KAZN: variants seen among roughly 807,000 people sequenced by gnomAD.
KAZN encodes kazrin, periplakin interacting protein, also known as kazrin.
In KAZN, 40 loss-of-function variants were observed where a neutral mutation model predicts 87.4. That is an observed-to-expected ratio of 0.46 (90% CI 0.36 to 0.60). The LOEUF is 0.60. Among genes scored for constraint, KAZN ranks in the 20% least tolerant of loss-of-function variants. KAZN has a pLI of 0.00. For synonymous variants in KAZN, 466 were observed against 458.3 expected (o/e 1.02, Z -0.22); for missense variants, 898 against 1,073.9 (o/e 0.84, Z 2.29).
intron 1 of KAZN, among the ~76,000 whole-genome samples, chr1:14,846,153 G>T (rs982091250): frequency 9.8e-5 from 15 of 152,326 alleles, no homozygotes; most frequent in African/African-American, 3.6e-4. Context: ...GGGGAGGAAA[G>T]TTCTATAGCG....
intron 2 of KAZN, among the ~76,000 whole-genome samples, chr1:14,374,397 G>T (rs1391855177): frequency 6.6e-6 from 1 of 152,214 alleles, no homozygotes; most frequent in Non-Finnish European, 1.5e-5. Flanking sequence ...CCCTGTGGGA[G>T]AAGGGGACAG....
intron 1 of KAZN, among the ~76,000 whole-genome samples, chr1:14,093,592 C>T (rs185459632): frequency 6.6e-6 from 1 of 151,790 alleles, no homozygotes; most frequent in African/African-American, 2.4e-5. Flanking sequence ...AGCCCTGAGA[C>T]AATTGGGACA....
At chr1:14,314,164 G>A (rs1279271038) in intron 2 of KAZN, among the ~76,000 whole-genome samples, 1 of 152,078 alleles carries the variant, frequency 6.6e-6, no homozygotes, top group Non-Finnish European at 1.5e-5. Flanking sequence ...TGTGGAGTTT[G>A]CATAACTCTG....
intron 1 of KAZN, among the ~76,000 whole-genome samples, chr1:14,944,227 TAA>T (rs34463773): frequency 5.3e-4 from 68 of 127,590 alleles, no homozygotes; most frequent in South Asian, 7.9e-4. Flanking sequence ...CTCCCCCTCC[TAA>T]AAAAAAAAAA....
intron 1 of KAZN, among the ~76,000 whole-genome samples, chr1:14,680,371 G>A (rs928217183): frequency 6.6e-6 from 1 of 152,134 alleles, no homozygotes; most frequent in African/African-American, 2.4e-5. Flanking sequence ...GTATAGATTA[G>A]TTTTGCCTGA....
At position 14,452,102 on chromosome 1, in the gene KAZN, G is replaced by A. The variant is rs145376169; in HGVS notation, c.250-146881G>A. Among the ~76,000 whole-genome samples the A allele has an allele frequency of 5.0e-3, 754 of 152,178 alleles. 7 individuals are homozygous for A. The highest frequency in any genetic ancestry group is 0.017 in the African/African-American group (708 of 41,504). On this transcript the variant is annotated intron_variant, in intron 2 of 16. Transcript: ENST00000636203. ...TTACAGACACGCCCCACCATGCCTG[G>A]CTAATTTTTGTATTTTTAGAAGAGA...
chr1:14,773,360 C>A lies in KAZN; in HGVS notation c.226+174137C>A, dbSNP rs147671043. Reference sequence around the variant, plus strand: ...CCTCCCACCTCACCTGCCCACGATGCCATTGCTTCAAATGGCTTTCAACAA... The same window carrying A: ...CCTCCCACCTCACCTGCCCACGATGACATTGCTTCAAATGGCTTTCAACAA... On this transcript the variant is annotated intron_variant, in intron 1 of 14. Coordinates refer to ENST00000376030, the MANE Select transcript of KAZN (RefSeq NM_201628.3). The surrounding 1 kb of genome is among the most constrained non-coding windows in gnomAD (Gnocchi z 5.9). Among the ~76,000 whole-genome samples, 1 of 152,148 alleles carries A rather than the reference C, an allele frequency of 6.6e-6. No homozygotes were observed. The highest frequency in any genetic ancestry group is 2.4e-5 in the African/African-American group (1 of 41,410).
At chr1:14,801,059 A>AG (rs1645997011) in intron 1 of KAZN, among the ~76,000 whole-genome samples, 1 of 151,962 alleles carries the variant, frequency 6.6e-6, no homozygotes, top group African/African-American at 2.4e-5. Flanking sequence ...AAAAAAAAAA[A>AG]AAAGAAATAC....
At chr1:14,409,777 C>A (rs755227019) in intron 2 of KAZN, among the ~76,000 whole-genome samples, 1 of 152,160 alleles carries the variant, frequency 6.6e-6, no homozygotes, top group Admixed American at 6.5e-5. Context: ...GGACTAGACG[C>A]TCCCTTCAAA....
chr1:14,321,532 G>A (rs754686567), intron 2 of KAZN, among the ~76,000 whole-genome samples: 1 of 152,186 alleles, frequency 6.6e-6, no homozygotes, highest in Non-Finnish European at 1.5e-5. Flanking sequence ...GTGAAAGACA[G>A]TAATAGAATT....
At chr1:14,571,089 C>T (rs1674835601) in intron 2 of KAZN, among the ~76,000 whole-genome samples, 1 of 152,120 alleles carries the variant, frequency 6.6e-6, no homozygotes, top group Non-Finnish European at 1.5e-5. Context: ...GCTCCTCTGC[C>T]GCCCATGCCC....
chr1:14,920,330 A>G lies in KAZN; in HGVS notation c.227-40354A>G, dbSNP rs554493571. Reference sequence around the variant, plus strand: ...CCCTGTCCAGCCTGAGGTCAGGGTCATGGGGACCCTGTCTGGCCTCAGAGC... The same window carrying G: ...CCCTGTCCAGCCTGAGGTCAGGGTCGTGGGGACCCTGTCTGGCCTCAGAGC... On this transcript the variant is annotated intron_variant, in intron 1 of 14. Coordinates refer to ENST00000376030, the MANE Select transcript of KAZN (RefSeq NM_201628.3). Among the ~76,000 whole-genome samples the G allele has an allele frequency of 2.4e-5, 3 of 124,780 alleles. No individual in the cohort carries two copies. In the South Asian group the frequency reaches 7.6e-4, roughly 32 times the overall value. 81.9% of individuals were successfully genotyped at this position (124,780 alleles called of 152,430 possible). A position where few individuals can be genotyped will look rare whatever the true frequency, so the allele number is the denominator to read the frequency against.
rs761398006 is a variant in KAZN at position 14,735,572 on chromosome 1, C to T, written c.226+136349C>T. Among the ~76,000 whole-genome samples the T allele has an allele frequency of 5.9e-5, 9 of 152,272 alleles. No homozygotes were observed. The highest frequency in any genetic ancestry group is 1.3e-4 in the Admixed American group (2 of 15,300). On this transcript the variant is annotated intron_variant, in intron 1 of 14. Coordinates refer to ENST00000376030, the MANE Select transcript of KAZN (RefSeq NM_201628.3). The surrounding 1 kb of genome is among the most constrained non-coding windows in gnomAD (Gnocchi z 4.3). Reference sequence around the variant, plus strand: ...AATGTGCTAAACCCCACACACCTAACGGCCGTTTTCACATGGCAGCCCCCC... The same window carrying T: ...AATGTGCTAAACCCCACACACCTAATGGCCGTTTTCACATGGCAGCCCCCC...
At chr1:13,985,608 A>G (rs1490269691) in intron 1 of KAZN, among the ~76,000 whole-genome samples, 1 of 150,852 alleles carries the variant, frequency 6.6e-6, no homozygotes, top group Non-Finnish European at 1.5e-5. Flanking sequence ...CTAATGCTAG[A>G]TGACGAATTT....
intron 2 of KAZN, among the ~76,000 whole-genome samples, chr1:14,274,490 C>T (rs564932895): frequency 4.9e-4 from 74 of 152,198 alleles, no homozygotes; most frequent in Middle Eastern, 3.4e-3. Flanking sequence ...AAGCATCATC[C>T]GGGGAGCTTA....
intron 4 of KAZN, 111 bp downstream of exon 4, chr1:15,044,270 G>GCCC: frequency 2.4e-6 from 1 of 413,316 alleles, no homozygotes; most frequent in Non-Finnish European, 4.2e-6. Flanking sequence ...GGTGGGTGGG[G>GCCC]CAGAGCAGAA....
At chr1:15,110,190 ATGTG>A (rs1462432677) in intron 13 of KAZN, among the ~76,000 whole-genome samples, 8 of 127,724 alleles carry the variant, frequency 6.3e-5, no homozygotes, top group East Asian at 6.8e-4. Context: ...TGTGTTGTGT[ATGTG>A]TGTATGTTTA....
chr1:14,545,254 G>A (rs970545968), intron 2 of KAZN, among the ~76,000 whole-genome samples: 1 of 152,138 alleles, frequency 6.6e-6, no homozygotes, highest in Non-Finnish European at 1.5e-5. Context: ...TTAACTTGAT[G>A]CCTTTGTCAC....
chr1:14,825,310 C>T (rs925518095), intron 1 of KAZN, among the ~76,000 whole-genome samples: 23 of 152,350 alleles, frequency 1.5e-4, no homozygotes, highest in African/African-American at 5.5e-4. Context: ...CTCTCCAGGC[C>T]AGCTTTTCTC....
Sources: allele counts gnomAD v4.1 joint callset (sites outside exome capture counted in the v4.1 genomes callset), GRCh38; gene constraint gnomAD v4.1.1; non-coding constraint Gnocchi (gnomAD v3.1); transcripts MANE v1.5; gene names NCBI Gene and HGNC (gene_info 2026-07-23, HGNC 2026-07-21).